Variants in EVI5 observed in about 807,000 individuals in gnomAD.
EVI5 encodes the protein ecotropic viral integration site 5, also known as ecotropic viral integration site 5 protein homolog.
A neutral mutation model predicts 112.0 loss-of-function variants in EVI5; 73 were observed. The observed-to-expected ratio is 0.65, with a 90% CI of 0.54 to 0.79. The LOEUF is 0.79. EVI5 is among the 30% of genes least tolerant of loss of function. The pLI, the probability that EVI5 is intolerant of heterozygous loss-of-function variation, is 0.00. For synonymous variants in EVI5, 305 were observed against 319.9 expected, an observed-to-expected ratio of 0.95 and a Z score of 0.50; for missense variants, 900 against 968.8, an observed-to-expected ratio of 0.93 and a Z score of 0.94.
At chr1:92,755,250 A>C (rs1204176585) in intron 1 of EVI5, among the ~76,000 whole-genome samples, 1 of 151,986 alleles carries the variant, frequency 6.6e-6, no homozygotes, top group Non-Finnish European at 1.5e-5. Context: ...CTCCACTAAA[A>C]AATATAAAAA....
At chr1:92,614,838 T>A (rs1467793579) in intron 16 of EVI5, among the ~76,000 whole-genome samples, 1 of 15,218 alleles carries the variant, frequency 6.6e-5, no homozygotes, top group Non-Finnish European at 1.0e-4. Flanking sequence ...TTATGTTATA[T>A]TTTATATATA....
At chr1:92,553,114 T>G (rs1031220768) in intron 19 of EVI5, among the ~76,000 whole-genome samples, 7 of 151,920 alleles carry the variant, frequency 4.6e-5, no homozygotes, top group Non-Finnish European at 1.0e-4. Context: ...AAGTAAGGTA[T>G]CCTGTGTGGG....
intron 2 of EVI5, among the ~76,000 whole-genome samples, chr1:92,724,516 CA>C: frequency 6.6e-6 from 1 of 152,174 alleles, no homozygotes; most frequent in Non-Finnish European, 1.5e-5. Flanking sequence ...CAATGATTTT[CA>C]AGACTTTAGG....
At chr1:92,734,006 T>C (rs1410461131) in intron 2 of EVI5, among the ~76,000 whole-genome samples, 2 of 152,232 alleles carry the variant, frequency 1.3e-5, no homozygotes, top group Admixed American at 6.5e-5. Flanking sequence ...ACAAGACACA[T>C]GTACCATATT....
At chr1:92,570,372 G>T (rs1271870666) in intron 18 of EVI5, among the ~76,000 whole-genome samples, 1 of 152,076 alleles carries the variant, frequency 6.6e-6, no homozygotes, top group Non-Finnish European at 1.5e-5. Flanking sequence ...CACTCCCTTG[G>T]TTGGTTAGAT....
chr1:92,630,495 A>G (rs1221409359), intron 14 of EVI5, among the ~76,000 whole-genome samples: 2 of 151,858 alleles, frequency 1.3e-5, no homozygotes, highest in Non-Finnish European at 2.9e-5. Context: ...CATATCCTTC[A>G]CCCACTTGTT....
At chr1:92,601,219 T>G (rs1649108026) in intron 18 of EVI5, among the ~76,000 whole-genome samples, 1 of 152,172 alleles carries the variant, frequency 6.6e-6, no homozygotes, top group Admixed American at 6.5e-5. Flanking sequence ...CCTGTTAGAA[T>G]GGCCATTATC....
intron 19 of EVI5, among the ~76,000 whole-genome samples, chr1:92,555,769 G>A (rs947018397): frequency 4.7e-5 from 7 of 147,754 alleles, no homozygotes; most frequent in South Asian, 2.1e-4. Flanking sequence ...AGAATCACTC[G>A]AACCCAGGAG....
chr1:92,762,583 T>C (rs183302815), intron 1 of EVI5, among the ~76,000 whole-genome samples: 1 of 152,266 alleles, frequency 6.6e-6, no homozygotes, highest in African/African-American at 2.4e-5. Context: ...ACATAGCATA[T>C]CAGAATACGT....
At chr1:92,739,137 G>A (rs2102836441) in intron 1 of EVI5, among the ~76,000 whole-genome samples, 1 of 151,998 alleles carries the variant, frequency 6.6e-6, no homozygotes, top group South Asian at 2.1e-4. Context: ...GCTGGGCATG[G>A]TGGCGGGCGC....
Position 92,662,737 on chromosome 1 carries a change from G to C in EVI5, c.1374C>G (p.Leu458=), listed in dbSNP as rs1664236661. ...LEQAENTIRK[L]QHQQQWHKCS... Reference sequence around the variant, plus strand: ...TCCTTACCCATTGTTGTTGGTGCTGGAGCTTCCTGATGGTATTTTCAGCTT... The same window carrying C: ...TCCTTACCCATTGTTGTTGGTGCTGCAGCTTCCTGATGGTATTTTCAGCTT... Residue 458 remains leucine (L), a synonymous_variant, in exon 13 of 20, where the codon CTC becomes CTG. Coordinates refer to ENST00000684568, the MANE Select transcript of EVI5 (RefSeq NM_001350197.2). 1.6e-6 allele frequency: 2 copies of C among 1,281,980 alleles called. No homozygotes were observed. The highest frequency in any genetic ancestry group is 2.0e-6 in the Non-Finnish European group (2 of 985,624). The allele number at this position is 1,281,980 out of a possible 1,614,324, so 79.4% of individuals were successfully genotyped here. A position where few individuals can be genotyped will look rare whatever the true frequency, so the allele number is the denominator to read the frequency against.
intron 14 of EVI5, among the ~76,000 whole-genome samples, chr1:92,630,504 T>C (rs1380936925): frequency 6.6e-6 from 1 of 152,232 alleles, no homozygotes; most frequent in African/African-American, 2.4e-5. Context: ...CACCCACTTG[T>C]TGATGGGGTT....
chr1:92,641,587 T>A (rs1237468414), intron 13 of EVI5, among the ~76,000 whole-genome samples: 1 of 152,168 alleles, frequency 6.6e-6, no homozygotes, highest in Non-Finnish European at 1.5e-5. Context: ...TGTAATAATG[T>A]GGGAAGATGG....
chr1:92,662,706 C>G lies in EVI5; in HGVS notation c.1392+13G>C, dbSNP rs757196051. 2 of 1,219,630 alleles carry G rather than the reference C, an allele frequency of 1.6e-6. No homozygotes were observed. Among genetic ancestry groups the G allele is most frequent in the South Asian group, 2.9e-5 (2 of 69,744 alleles). The allele number at this position is 1,219,630 out of a possible 1,614,324, so 75.6% of individuals were successfully genotyped here. ...GATGAGAAAGATGAGAAAAGCACTA[C>G]CAGACTCCTTACCCATTGTTGTTGG... On this transcript the variant is annotated intron_variant, in intron 13 of 19. Transcript: ENST00000684568.
At chr1:92,690,959 G>C (rs1669407661) in intron 9 of EVI5, among the ~76,000 whole-genome samples, 1 of 151,972 alleles carries the variant, frequency 6.6e-6, no homozygotes, top group African/African-American at 2.4e-5. Context: ...CCAGTTTATA[G>C]AAAACACAAG....
At chr1:92,622,449 T>C (rs963277238) in intron 16 of EVI5, 2 of 230,850 alleles carry the variant, frequency 8.7e-6, no homozygotes, top group African/African-American at 2.3e-5. Flanking sequence ...ATGTTCAGAG[T>C]AGCACTGTTT....
At position 92,661,149 on chromosome 1, in the gene EVI5, AG is replaced by A. The variant is rs201590697; in HGVS notation, c.1392+1569del. On this transcript the variant is annotated intron_variant, in intron 13 of 19. Transcript: ENST00000684568. ...ATATAAATTGCCACTATTTGGCAGTAGGGAGTGGTGGCGGTGGATGCTTATA... is the reference window on the plus strand; with the variant it reads ...ATATAAATTGCCACTATTTGGCAGTAGGAGTGGTGGCGGTGGATGCTTATA... 1.1e-4 allele frequency among the ~76,000 whole-genome samples: 17 copies of A among 152,192 alleles called. No individual in the cohort carries two copies. In the East Asian group the frequency reaches 3.3e-3, roughly 29 times the overall value.
chr1:92,792,324 A>G (rs774812902), intron 1 of EVI5: 44 of 1,519,538 alleles, frequency 2.9e-5, no homozygotes, highest in Non-Finnish European at 3.8e-5. Flanking sequence ...ATAAAATCAA[A>G]CATCGTTTTA....
intron 1 of EVI5, among the ~76,000 whole-genome samples, chr1:92,754,718 G>C (rs1340988796): frequency 6.6e-6 from 1 of 152,202 alleles, no homozygotes; most frequent in Non-Finnish European, 1.5e-5. Context: ...AAGAAAGCAA[G>C]ACAGAAAATG....
Sources: gnomAD v4.1 joint callset for allele counts (sites outside exome capture counted in the v4.1 genomes callset) on GRCh38, gnomAD v4.1.1 for gene constraint, MANE v1.5 for transcripts, NCBI Gene and HGNC (gene_info 2026-07-23, HGNC 2026-07-21) for gene names.